BNIP5: variants seen among roughly 807,000 people sequenced by gnomAD.
BNIP5 encodes the protein BCL2 interacting protein 5, also known as protein BNIP5.
Under a neutral mutation model 67.3 loss-of-function variants are expected in BNIP5, and 61 were observed. The ratio of observed to expected loss-of-function variants is 0.91; its 90% CI spans 0.74 to 1.12. The LOEUF (loss-of-function observed/expected upper bound fraction) is 1.12. BNIP5 is among the 50% of genes most tolerant of loss of function. The probability of loss-of-function intolerance (pLI) is 0.00; values close to 1 mark genes in which losing one functional copy is unlikely to be tolerated. For missense variants in BNIP5, 826 were observed against 816.3 expected (o/e 1.01, Z -0.14); for synonymous variants, 317 against 319.0 (o/e 0.99, Z 0.07).
At chr6:36,325,521 A>T in intron 5 of BNIP5, 107 bp from the exon 6 acceptor site, 1 of 1,363,088 alleles carries the variant, frequency 7.3e-7, no homozygotes, top group Non-Finnish European at 1.0e-6. Flanking sequence ...GGATCACATT[A>T]AGGACTTATG....
intron 9 of BNIP5, among the ~76,000 whole-genome samples, chr6:36,321,739 G>A (rs954142973): frequency 2.6e-5 from 4 of 152,154 alleles, no homozygotes; most frequent in Non-Finnish European, 4.4e-5. Context: ...ACAGAGTCTC[G>A]CTCTGTCACC....
At position 36,330,575 on chromosome 6, in the gene BNIP5, A is replaced by G. The variant is rs751196351; in HGVS notation, c.116T>C (p.Leu39Pro). The change falls in exon 2 of 12, where the codon CTG becomes CCG. Residue 39 changes from leucine to proline, a missense_variant. Physicochemically the swap from Leu to Pro is moderately conservative, Grantham distance 98. Transcript: ENST00000437635. ...CGCCTTCCTGGAGGGGGCAGTGGGC[A>G]GGGAGAGCCAATGGCAGTCCCACGA... ...SESWDCHWLS[L>P]PTAPSRKALH... 10 of 1,613,392 alleles carry G rather than the reference A, an allele frequency of 6.2e-6. No homozygotes were observed. Among genetic ancestry groups the G allele is most frequent in the Non-Finnish European group, 8.5e-6 (10 of 1,180,026 alleles).
chr6:36,319,369 C>T lies in BNIP5; in HGVS notation c.1910G>A (p.Arg637Lys). 6.2e-7 allele frequency: 1 copy of T among 1,614,082 alleles called. No homozygotes were observed. Among genetic ancestry groups the T allele is most frequent in the Non-Finnish European group, 8.5e-7 (1 of 1,180,012 alleles). ...GCCCTCTCTCACCGGCTGGTCCTCCCTGTATGGGAACTGGGTGCAATTGTA... is the reference window on the plus strand; with the variant it reads ...GCCCTCTCTCACCGGCTGGTCCTCCTTGTATGGGAACTGGGTGCAATTGTA... ...DHYNCTQFPY[R>K]EDQPNITSPK... Residue 637 changes from arginine (R) to lysine (K), a missense_variant, in exon 11 of 12, where the codon AGG becomes AAG. Transcript: ENST00000437635.
Position 36,330,702 on chromosome 6 carries a change from CA to C in BNIP5, c.-4-9del, listed in dbSNP as rs1415890473. ...CTTGGATTCTCCATCGGGCTGCAAC[CA>C]AAACACACAGCTCCCTTAGTTTTTT... On this transcript the variant is annotated splice_polypyrimidine_tract_variant and intron_variant, in intron 1 of 11. Transcript: ENST00000437635. 4.6e-6 allele frequency: 7 copies of C among 1,538,046 alleles called. No individual in the cohort carries two copies. The highest frequency in any genetic ancestry group is 6.1e-6 in the Non-Finnish European group (7 of 1,152,720).
At chr6:36,323,254 G>A (rs1582125512) in intron 8 of BNIP5, 39 bp downstream of exon 8, 2 of 1,611,636 alleles carry the variant, frequency 1.2e-6, no homozygotes. Context: ...TTGCCCAAGA[G>A]GAAGCCTCTG....
rs201336652 is a variant in BNIP5 at position 36,330,498 on chromosome 6, A to G, written c.193T>C (p.Ser65Pro). 1.9e-4 allele frequency: 314 copies of G among 1,614,060 alleles called. 2 individuals are homozygous for G. Among genetic ancestry groups the G allele is most frequent in the South Asian group, 1.6e-4 (15 of 91,078 alleles). ...GCGGTGGTGCAGTGAGCCTCTGCAG[A>G]TGGAGCTGGGCTGTCTGAATGTCTG... is the stretch of plus-strand genomic sequence containing the variant. ...WARHSDSPAP[S>P]AEAHCTTAAA... Residue 65 changes from serine (S) to proline (P), a missense_variant, in exon 2 of 12, where the codon TCT becomes CCT. Physicochemically the swap from Ser to Pro is moderately conservative, Grantham distance 74 (BLOSUM62 -1). Coordinates refer to ENST00000437635, the MANE Select transcript of BNIP5 (RefSeq NM_001010903.5).
chr6:36,321,768 C>T (rs913334950), intron 9 of BNIP5, among the ~76,000 whole-genome samples: 4 of 152,166 alleles, frequency 2.6e-5, no homozygotes, highest in Non-Finnish European at 4.4e-5. Context: ...AGTGCAGTGG[C>T]GCGATCTCGC....
intron 10 of BNIP5, among the ~76,000 whole-genome samples, chr6:36,320,796 G>A (rs771007160): frequency 2.0e-5 from 3 of 152,202 alleles, no homozygotes; most frequent in African/African-American, 4.8e-5. Context: ...GGAATCAGCC[G>A]GGCGGGTGGG....
intron 3 of BNIP5, among the ~76,000 whole-genome samples, chr6:36,328,015 T>C (rs1771803212): frequency 6.6e-6 from 1 of 152,242 alleles, no homozygotes; most frequent in South Asian, 2.1e-4. Context: ...ATTTCATATA[T>C]GCTAAAATAT....
rs1475050314 is a variant in BNIP5 at position 36,327,112 on chromosome 6, C to T, written c.728-18G>A. 2 of 1,609,474 alleles carry T rather than the reference C, an allele frequency of 1.2e-6. No individual in the cohort carries two copies. The highest frequency in any genetic ancestry group is 1.7e-6 in the Non-Finnish European group (2 of 1,175,814). ...AGCATCCTCTGGAAGAAAGCAAATGCATCCGGTTATTCTTTCTAAATGCAC... is the reference window on the plus strand; with the variant it reads ...AGCATCCTCTGGAAGAAAGCAAATGTATCCGGTTATTCTTTCTAAATGCAC... On this transcript the variant is annotated intron_variant, in intron 3 of 11. Coordinates refer to ENST00000437635, the MANE Select transcript of BNIP5 (RefSeq NM_001010903.5).
intron 11 of BNIP5, among the ~76,000 whole-genome samples, chr6:36,318,851 T>C (rs1449850777): frequency 6.6e-6 from 1 of 152,196 alleles, no homozygotes; most frequent in East Asian, 1.9e-4. Flanking sequence ...AGGCTGTTCA[T>C]TAAGCAACCA....
intron 1 of BNIP5, among the ~76,000 whole-genome samples, chr6:36,333,781 AT>A (rs1771954530): frequency 6.6e-6 from 1 of 152,252 alleles, no homozygotes; most frequent in South Asian, 2.1e-4. Context: ...TTAAGCTCAC[AT>A]TTAAAAAAGA....
Position 36,326,684 on chromosome 6 carries a change from C to T in BNIP5, c.862G>A (p.Glu288Lys), listed in dbSNP as rs771547228. ...PAPAVRKKSQ[E>K]KKTSLKRTSK... ...GTTCTCTTGAGGCTTGTCTTTTTCT[C>T]TTGGGATTTCTTCCTAACAGCTGGT... The change falls in exon 5 of 12, where the codon GAG becomes AAG. Residue 288 changes from glutamate (E) to lysine (K), a missense_variant. Physicochemically the swap from Glu to Lys is moderately conservative, Grantham distance 56 (BLOSUM62 1). Coordinates refer to ENST00000437635, the MANE Select transcript of BNIP5 (RefSeq NM_001010903.5). 4 of 1,614,196 alleles carry T rather than the reference C, an allele frequency of 2.5e-6. No individual in the cohort carries two copies. The East Asian group carries it at 8.9e-5, about 36-fold the overall frequency.
At chr6:36,328,068 C>T (rs1771804576) in intron 3 of BNIP5, among the ~76,000 whole-genome samples, 1 of 152,194 alleles carries the variant, frequency 6.6e-6, no homozygotes, top group African/African-American at 2.4e-5. Context: ...GGGGATTATG[C>T]TCCATTTATT....
chr6:36,325,548 G>T, intron 5 of BNIP5, 134 bp from the exon 6 acceptor site: 1 of 1,069,658 alleles, frequency 9.3e-7, no homozygotes, highest in Non-Finnish European at 1.4e-6. Context: ...GAAGACAGCT[G>T]CTGGGCAGGG....
chr6:36,320,900 C>T (rs1771621966), intron 10 of BNIP5, among the ~76,000 whole-genome samples: 1 of 152,182 alleles, frequency 6.6e-6, no homozygotes, highest in African/African-American at 2.4e-5. Flanking sequence ...GTGGTCCTGG[C>T]TGGGGCAGGG....
chr6:36,334,977 G>A (rs1041973130), intron 1 of BNIP5, among the ~76,000 whole-genome samples: 3 of 152,150 alleles, frequency 2.0e-5, no homozygotes, highest in African/African-American at 7.2e-5. Context: ...TGCCTTGGCC[G>A]AAAGTGGATG....
chr6:36,322,247 T>G, intron 9 of BNIP5, 64 bp downstream of exon 9: 4 of 1,600,198 alleles, frequency 2.5e-6, no homozygotes, highest in Non-Finnish European at 3.4e-6. Flanking sequence ...ATTCAGCCTG[T>G]GAACTCCATG....
intron 1 of BNIP5, among the ~76,000 whole-genome samples, chr6:36,335,527 C>G (rs1041673501): frequency 2.0e-5 from 3 of 152,218 alleles, no homozygotes; most frequent in African/African-American, 4.8e-5. Flanking sequence ...TGTGACCAAG[C>G]TCACCGCTTG....
Sources: gnomAD v4.1 joint callset for allele counts (sites outside exome capture counted in the v4.1 genomes callset) on GRCh38, gnomAD v4.1.1 for gene constraint, MANE v1.5 for transcripts, NCBI Gene and HGNC (gene_info 2026-07-23, HGNC 2026-07-21) for gene names.